The following USP32 variants were observed in gnomAD, a reference collection of about 807,000 sequenced individuals.
USP32 encodes the protein ubiquitin carboxyl-terminal hydrolase 32.
Under a neutral mutation model 204.8 loss-of-function variants are expected in USP32, and 59 were observed. That is an observed-to-expected ratio of 0.29 (90% CI 0.23 to 0.36). The LOEUF is 0.36. Among genes scored for constraint, USP32 ranks in the 10% least tolerant of loss-of-function variants. The pLI is 1.00. For missense variants in USP32, 1,160 were observed against 1,946.4 expected, an observed-to-expected ratio of 0.60 and a Z score of 7.60; for synonymous variants, 517 against 678.4, an observed-to-expected ratio of 0.76 and a Z score of 3.70.
At chr17:60,251,180 C>A (rs1238593311) in intron 11 of USP32, among the ~76,000 whole-genome samples, 1 of 151,808 alleles carries the variant, frequency 6.6e-6, no homozygotes, top group Non-Finnish European at 1.5e-5. Flanking sequence ...TGAGCTCAAA[C>A]AATCCACCTG....
intron 31 of USP32, 104 bp from the exon 32 acceptor site, chr17:60,181,852 G>T: frequency 6.7e-7 from 1 of 1,491,952 alleles, no homozygotes; most frequent in Non-Finnish European, 9.0e-7. Flanking sequence ...ACACACAAAG[G>T]TAAAGACAGG....
intron 1 of USP32, among the ~76,000 whole-genome samples, chr17:60,379,550 A>T (rs1442621333): frequency 1.3e-5 from 2 of 152,202 alleles, no homozygotes; most frequent in Non-Finnish European, 2.9e-5. Context: ...ACACAAATAC[A>T]TGAGATGCGC....
Position 60,305,026 on chromosome 17 carries a change from C to T in USP32, c.187-3322G>A, listed in dbSNP as rs550401077. On this transcript the variant is annotated intron_variant, in intron 2 of 33. Transcript: ENST00000300896. ...CCAAAGTCATACATCAATGAAGCAG[C>T]AGAGTCAGAATTTTAACCTAGGAAA... 4 of 152,266 alleles carry T rather than the reference C, an allele frequency of 2.6e-5. No individual in the cohort carries two copies. The South Asian group carries it at 8.3e-4, about 32-fold the overall frequency. The allele number at this position is 152,266 out of a possible 1,614,324, so 9.4% of individuals were successfully genotyped here.
intron 2 of USP32, among the ~76,000 whole-genome samples, chr17:60,309,782 A>G (rs2145914686): frequency 6.6e-6 from 1 of 152,158 alleles, no homozygotes; most frequent in African/African-American, 2.4e-5. Context: ...ACAGTGGCAC[A>G]TACCTGTAAT....
At chr17:60,399,477 A>C (rs1417577051) in intron 1 of USP32, among the ~76,000 whole-genome samples, 1 of 151,950 alleles carries the variant, frequency 6.6e-6, no homozygotes, top group Non-Finnish European at 1.5e-5. Context: ...AAACATAGCA[A>C]GAGCCTGTCT....
chr17:60,207,201 C>T (rs2145488494), intron 24 of USP32, 69 bp from the exon 25 acceptor site: 1 of 1,528,958 alleles, frequency 6.5e-7, no homozygotes, highest in South Asian at 1.2e-5. Flanking sequence ...CTCTCTCTAA[C>T]ATATTTCAAA....
intron 5 of USP32, among the ~76,000 whole-genome samples, chr17:60,275,597 G>A (rs187822756): frequency 5.6e-4 from 86 of 152,260 alleles, no homozygotes; most frequent in Non-Finnish European, 9.7e-4. Context: ...TTGGCATCTA[G>A]TAACTTTCAT....
At chr17:60,312,559 G>T in intron 2 of USP32, among the ~76,000 whole-genome samples, 1 of 151,840 alleles carries the variant, frequency 6.6e-6, no homozygotes, top group Admixed American at 6.6e-5. Flanking sequence ...GGAGTCTGAG[G>T]ACTCCCAAGT....
At chr17:60,246,930 T>C (rs1011023107) in intron 11 of USP32, among the ~76,000 whole-genome samples, 2 of 152,230 alleles carry the variant, frequency 1.3e-5, no homozygotes, top group Non-Finnish European at 2.9e-5. Flanking sequence ...ATTCTGGTTA[T>C]TAAAACCTTG....
chr17:60,269,466 CA>C lies in USP32; in HGVS notation c.794del (p.Leu265ArgfsTer25). On this transcript the variant is annotated frameshift_variant, in exon 7 of 34. Transcript: ENST00000300896. LOFTEE classifies it high-confidence loss of function. ...CGLSACCRGPLAERQKFCFKV... is the reference protein window; with the variant it reads ...CGLSACCRGPXAERQKFCFKV... ...CACACTTACATTTTTGTCTTTCAGC[CA>C]GGGGTCCCCTGCAACAGGCTGATAA... 6.2e-7 allele frequency: 1 copy of C among 1,608,452 alleles called. No homozygotes were observed. Among genetic ancestry groups the C allele is most frequent in the Non-Finnish European group, 8.5e-7 (1 of 1,178,306 alleles).
chr17:60,393,754 G>A (rs1382032820), upstream of USP32, among the ~76,000 whole-genome samples: 1 of 150,802 alleles, frequency 6.6e-6, no homozygotes, highest in Non-Finnish European at 1.5e-5. Context: ...GCGCGATCTC[G>A]ACTCACCGCA....
chr17:60,365,085 T>G lies in USP32; in HGVS notation c.59-19477A>C, dbSNP rs147083637. ...TCATGTTATTTCAAAAAGGGAAAGT[T>G]TTTTTTAAATGAAGAAAATGTTCAT... On this transcript the variant is annotated intron_variant, in intron 1 of 33. Coordinates refer to ENST00000300896, the MANE Select transcript of USP32 (RefSeq NM_032582.4). Among the ~76,000 whole-genome samples, 1,346 of 152,310 alleles carry G rather than the reference T, an allele frequency of 8.8e-3. 6 individuals carry two copies. Among genetic ancestry groups the G allele is most frequent in the Non-Finnish European group, 0.013 (877 of 68,030 alleles).
intron 7 of USP32, 74 bp from the exon 8 acceptor site, chr17:60,266,165 C>A: frequency 8.4e-7 from 1 of 1,187,050 alleles, no homozygotes; most frequent in South Asian, 1.3e-5. Context: ...CTAGAAGTTG[C>A]CCTTGTATAA....
At chr17:60,272,732 G>A (rs2086751995) in intron 5 of USP32, among the ~76,000 whole-genome samples, 2 of 152,178 alleles carry the variant, frequency 1.3e-5, no homozygotes, top group Admixed American at 1.3e-4. Flanking sequence ...TCACTTTCCA[G>A]ACCTAAACAA....
chr17:60,342,208 C>T (rs537774706), intron 2 of USP32, among the ~76,000 whole-genome samples: 1 of 152,276 alleles, frequency 6.6e-6, no homozygotes, highest in African/African-American at 2.4e-5. Flanking sequence ...CCACTCAAGA[C>T]CTTGTTTGCC....
chr17:60,261,295 TTTA>T (rs999880223), intron 9 of USP32, among the ~76,000 whole-genome samples: 1 of 152,152 alleles, frequency 6.6e-6, no homozygotes, highest in Non-Finnish European at 1.5e-5. Flanking sequence ...TTCTATTAAT[TTTA>T]TTGTTTGAAA....
In USP32 at chr17:60,223,398, T is replaced by C. The variant is rs2085305171; in HGVS notation, c.1608+13A>G. 3 of 1,595,220 alleles carry C rather than the reference T, an allele frequency of 1.9e-6. No individual in the cohort carries two copies. The highest frequency in any genetic ancestry group is 2.7e-5 in the African/African-American group (2 of 73,728). On this transcript the variant is annotated intron_variant, in intron 14 of 33. Coordinates refer to ENST00000300896, the MANE Select transcript of USP32 (RefSeq NM_032582.4). ...AAGAGAATAATTTTAAGTTTAGATGTAAAATTACTTACCTTTACTGGTTCT... is the reference window on the plus strand; with the variant it reads ...AAGAGAATAATTTTAAGTTTAGATGCAAAATTACTTACCTTTACTGGTTCT...
In USP32 at chr17:60,184,822, A is replaced by C. The variant is rs1441703892; in HGVS notation, c.3834+638T>G. 6.6e-5 allele frequency among the ~76,000 whole-genome samples: 10 copies of C among 152,054 alleles called. No individual in the cohort carries two copies. In the South Asian group the frequency reaches 1.5e-3, roughly 22 times the overall value. ...GAGACCCTGTCTCAAAAAAAAAAAA[A>C]AAAAAAACATATAAATATCTGAATT... On this transcript the variant is annotated intron_variant, in intron 30 of 33. Coordinates refer to ENST00000300896, the MANE Select transcript of USP32 (RefSeq NM_032582.4).
At position 60,202,200 on chromosome 17, in the gene USP32, T is replaced by C. The variant is rs1598055376; in HGVS notation, c.3249+3247A>G. On this transcript the variant is annotated intron_variant, in intron 26 of 33. Coordinates refer to ENST00000300896, the MANE Select transcript of USP32 (RefSeq NM_032582.4). ...CACCACTCTGCAATGTTATCTTTGTTATAAATCAGGTGTTCATACATTTGT... is the reference window on the plus strand; with the variant it reads ...CACCACTCTGCAATGTTATCTTTGTCATAAATCAGGTGTTCATACATTTGT... Among the ~76,000 whole-genome samples, 3 of 152,216 alleles carry C rather than the reference T, an allele frequency of 2.0e-5. No individual in the cohort carries two copies. The East Asian group carries it at 5.8e-4, about 29-fold the overall frequency.
Sources: allele counts gnomAD v4.1 joint callset (sites outside exome capture counted in the v4.1 genomes callset), GRCh38; gene constraint gnomAD v4.1.1; transcripts MANE v1.5; gene names NCBI Gene and HGNC (gene_info 2026-07-23, HGNC 2026-07-21).